Variants in ALG11 observed in about 807,000 individuals in gnomAD.
ALG11 encodes the protein ALG11 alpha-1,2-mannosyltransferase.
A neutral mutation model predicts 38.8 loss-of-function variants in ALG11; 26 were observed. That is an observed-to-expected ratio of 0.67 (90% CI 0.49 to 0.93). ALG11 has a LOEUF of 0.93. Ranked by LOEUF, ALG11 falls within the 40% of genes least tolerant of loss-of-function variation. The probability of loss-of-function intolerance (pLI) is 0.00; values close to 1 mark genes in which losing one functional copy is unlikely to be tolerated. For missense variants in ALG11, 535 were observed against 578.8 expected, an observed-to-expected ratio of 0.92 and a Z score of 0.78; for synonymous variants, 199 against 211.6, an observed-to-expected ratio of 0.94 and a Z score of 0.52.
Position 52,024,910 on chromosome 13 carries a change from A to T in ALG11, c.1180A>T (p.Thr394Ser). 6.2e-7 allele frequency: 1 copy of T among 1,611,246 alleles called. No individual in the cohort carries two copies. Among genetic ancestry groups the T allele is most frequent in the Non-Finnish European group, 8.5e-7 (1 of 1,180,026 alleles). The stretch of plus-strand genomic sequence containing the variant: ...GTCTGAAGCAACAATTGGTCTGCAT[A>T]CCATGTGGAACGAGCATTTTGGGAT... Reference protein sequence around the residue: ...YLSEATIGLHTMWNEHFGIGV... With the variant: ...YLSEATIGLHSMWNEHFGIGV... The change falls in exon 3 of 4, where the codon ACC becomes TCC. Residue 394 changes from threonine to serine, a missense_variant. Physicochemically the swap from Thr to Ser is moderately conservative, Grantham distance 58 (BLOSUM62 1). Coordinates refer to ENST00000521508, the MANE Select transcript of ALG11 (RefSeq NM_001004127.3).
rs775162593 is a variant in ALG11, at chr13:52,029,616, A to C, written c.*1026A>C. 1 of 1,614,120 alleles carries C rather than the reference A, an allele frequency of 6.2e-7. No homozygotes were observed. The highest frequency in any genetic ancestry group is 1.3e-5 in the African/African-American group (1 of 74,944). ...GCCTTAAAAGAGTTTGAGCAGCTAC[A>C]GAAGGTTAATCCAACTGTGGCACTG... On this transcript the variant is annotated 3_prime_UTR_variant, in exon 4 of 4. Coordinates refer to ENST00000521508, the MANE Select transcript of ALG11 (RefSeq NM_001004127.3).
At chr13:52,018,001 G>A (rs1351108456) in intron 1 of ALG11, among the ~76,000 whole-genome samples, 1 of 152,114 alleles carries the variant, frequency 6.6e-6, no homozygotes, top group Non-Finnish European at 1.5e-5. Context: ...CTTTATAAAG[G>A]ATAGGCAGAG....
Position 52,028,784 on chromosome 13 carries a change from TGA to T in ALG11, c.*200_*201del. 2 of 1,614,160 alleles carry T rather than the reference TGA, an allele frequency of 1.2e-6. No homozygotes were observed. Among genetic ancestry groups the T allele is most frequent in the South Asian group, 1.1e-5 (1 of 91,084 alleles). Reference sequence around the variant, plus strand: ...CTTCGGCTTCCATTCTTGGTATACATGAGAGAGGCTGGCTGCTGAGATGAATG... The same window carrying T: ...CTTCGGCTTCCATTCTTGGTATACATGAGAGGCTGGCTGCTGAGATGAATG... On this transcript the variant is annotated 3_prime_UTR_variant, in exon 4 of 4. Coordinates refer to ENST00000521508, the MANE Select transcript of ALG11 (RefSeq NM_001004127.3).
intron 1 of ALG11, among the ~76,000 whole-genome samples, chr13:52,018,575 ATGTCT>A (rs1954154972): frequency 6.6e-6 from 1 of 152,130 alleles, no homozygotes; most frequent in South Asian, 2.1e-4. Flanking sequence ...ATTCTTAATC[ATGTCT>A]TGTTTAGATT....
rs369380096 is a variant in ALG11, at chr13:52,031,245, G to T, written c.*2655G>T. On this transcript the variant is annotated 3_prime_UTR_variant, in exon 4 of 4. Transcript: ENST00000521508. ...GCCACATTTTTTAAAAAAAGAAAAT[G>T]GATGACCATTAATTGACTAGCATTT... 4.0e-6 allele frequency: 5 copies of T among 1,258,304 alleles called. No homozygotes were observed. The highest frequency in any genetic ancestry group is 5.4e-6 in the Non-Finnish European group (5 of 925,740). 77.9% of individuals were successfully genotyped at this position (1,258,304 alleles called of 1,614,324 possible).
chr13:52,029,566 C>T lies in ALG11; in HGVS notation c.*976C>T, dbSNP rs1954277085. The stretch of plus-strand genomic sequence containing the variant: ...TCAAAAGTAAAAAGTATCACAAAGT[C>T]GTGAAGAAAGGAAAGGCCAAGAAAG... On this transcript the variant is annotated 3_prime_UTR_variant, in exon 4 of 4. Transcript: ENST00000521508. 6.2e-7 allele frequency: 1 copy of T among 1,613,986 alleles called. No individual in the cohort carries two copies. The highest frequency in any genetic ancestry group is 8.5e-7 in the Non-Finnish European group (1 of 1,180,022).
intron 2 of ALG11, among the ~76,000 whole-genome samples, chr13:52,020,172 C>T (rs1163251580): frequency 6.6e-6 from 1 of 152,052 alleles, no homozygotes; most frequent in East Asian, 1.9e-4. Context: ...ATATCATTAC[C>T]AGCTGGATAG....
intron 1 of ALG11, chr13:52,017,454 C>T (rs977685452): frequency 6.6e-6 from 1 of 152,442 alleles, no homozygotes; most frequent in African/African-American, 2.4e-5. Context: ...TGAATTGTGT[C>T]TCCCAGAATT....
chr13:52,025,465 C>T (rs1487979972), intron 3 of ALG11, among the ~76,000 whole-genome samples: 2 of 152,234 alleles, frequency 1.3e-5, no homozygotes, highest in African/African-American at 4.8e-5. Context: ...TTTGATAATG[C>T]TGCTTAAGTG....
At chr13:52,015,172 G>A (rs79612810) in intron 1 of ALG11, among the ~76,000 whole-genome samples, 1,974 of 152,326 alleles carry the variant, frequency 0.013, 47 homozygotes, top group African/African-American at 0.045. Context: ...GAAGGCCAAG[G>A]CAGGAGGATT....
chr13:52,025,068 T>C (rs1022584019), intron 3 of ALG11, 131 bp downstream of exon 3: 3 of 1,052,362 alleles, frequency 2.9e-6, no homozygotes, highest in Non-Finnish European at 4.3e-6. Context: ...CAAATGTGCT[T>C]TCCTCACTTG....
At chr13:52,014,644 C>G (rs1292046376) in intron 1 of ALG11, among the ~76,000 whole-genome samples, 6 of 151,992 alleles carry the variant, frequency 3.9e-5, no homozygotes, top group Non-Finnish European at 5.9e-5. Flanking sequence ...AAGCAATCCT[C>G]CCACCTCAGC....
At chr13:52,018,355 T>C (rs527723714) in intron 1 of ALG11, among the ~76,000 whole-genome samples, 4 of 152,208 alleles carry the variant, frequency 2.6e-5, no homozygotes, top group Non-Finnish European at 5.9e-5. Flanking sequence ...AAGGTAGTAG[T>C]ATTAGATCAT....
At position 52,030,758 on chromosome 13, in the gene ALG11, G is replaced by A. The variant is rs139046238; in HGVS notation, c.*2168G>A. ...GAAAAGACGCCAGTTTCTCATTAAA[G>A]CCCCTGAGGGTCCTCCAAGAAAAGA... On this transcript the variant is annotated 3_prime_UTR_variant, in exon 4 of 4. Transcript: ENST00000521508. 2.3e-4 allele frequency: 375 copies of A among 1,614,216 alleles called. 2 individuals carry two copies. The highest frequency in any genetic ancestry group is 3.3e-4 in the Middle Eastern group (2 of 6,062).
At position 52,028,739 on chromosome 13, in the gene ALG11, A is replaced by G; in HGVS notation, c.*149A>G. On this transcript the variant is annotated 3_prime_UTR_variant, in exon 4 of 4. Transcript: ENST00000521508. ...CTTTTAGAATAAAAGGAAGTGTTGA[A>G]AAGAAAATGGATGACTAGCCTTCGG... is the stretch of plus-strand genomic sequence containing the variant. The G allele has an allele frequency of 1.2e-6, 2 of 1,610,326 alleles. No individual in the cohort carries two copies. The highest frequency in any genetic ancestry group is 2.7e-5 in the African/African-American group (2 of 75,002).
chr13:52,026,045 C>T (rs1954237186), intron 3 of ALG11, among the ~76,000 whole-genome samples: 1 of 152,198 alleles, frequency 6.6e-6, no homozygotes. Context: ...AGGCTTCCCA[C>T]CCTCTGGTGG....
At chr13:52,026,173 G>A (rs904055625) in intron 3 of ALG11, among the ~76,000 whole-genome samples, 3 of 152,166 alleles carry the variant, frequency 2.0e-5, no homozygotes, top group African/African-American at 4.8e-5. Context: ...AGACTTGTGC[G>A]GGCAGGGAAC....
rs1954215701 is a variant in ALG11 at position 52,024,318 on chromosome 13, T to C, written c.588T>C (p.Tyr196=). ...TAGGGGGTTGCCAAGTTGGAAGCTA[T>C]GTTCATTATCCTACTATCAGCACCG... is the stretch of plus-strand genomic sequence containing the variant. ...KYIGGCQVGS[Y]VHYPTISTDM... is the part of the protein sequence containing the mutation. Residue 196 remains tyrosine (Y), a synonymous_variant, in exon 3 of 4, where the codon TAT becomes TAC. Coordinates refer to ENST00000521508, the MANE Select transcript of ALG11 (RefSeq NM_001004127.3). 1 of 1,614,084 alleles carries C rather than the reference T, an allele frequency of 6.2e-7. No individual in the cohort carries two copies.
rs1387711304 is a variant in ALG11 at position 52,030,908 on chromosome 13, A to G, written c.*2318A>G. ...ATTTGAAAGGACCATCCAGACCCCTATAGGATCCACATGGAACACCCAGAG... is the reference window on the plus strand; with the variant it reads ...ATTTGAAAGGACCATCCAGACCCCTGTAGGATCCACATGGAACACCCAGAG... On this transcript the variant is annotated 3_prime_UTR_variant, in exon 4 of 4. Coordinates refer to ENST00000521508, the MANE Select transcript of ALG11 (RefSeq NM_001004127.3). 1.9e-6 allele frequency: 3 copies of G among 1,614,170 alleles called. No individual in the cohort carries two copies. The highest frequency in any genetic ancestry group is 1.7e-5 in the Admixed American group (1 of 60,018).
Sources: allele counts gnomAD v4.1 joint callset (sites outside exome capture counted in the v4.1 genomes callset), GRCh38; gene constraint gnomAD v4.1.1; transcripts MANE v1.5; gene names NCBI Gene and HGNC (gene_info 2026-07-23, HGNC 2026-07-21).